Variants in OR1L8 observed in about 807,000 individuals in gnomAD.
OR1L8 encodes the protein olfactory receptor 1L8.
For synonymous variants in OR1L8, 148 were observed against 147.0 expected, an observed-to-expected ratio of 1.01 and a Z score of -0.05; for missense variants, 330 against 377.4, an observed-to-expected ratio of 0.87 and a Z score of 1.04.
At chr9:122,582,180 C>T (rs76301473) in intron 1 of OR1L8, among the ~76,000 whole-genome samples, 9,331 of 152,130 alleles carry the variant, frequency 0.061, 395 homozygotes, top group Middle Eastern at 0.099. Flanking sequence ...TTTTTTAAAA[C>T]TTCTGAGAAG....
chr9:122,578,109 A>G (rs1588219869), intron 2 of OR1L8, among the ~76,000 whole-genome samples: 1 of 152,220 alleles, frequency 6.6e-6, no homozygotes, highest in Non-Finnish European at 1.5e-5. Flanking sequence ...TAGATATACC[A>G]TTTGATCCAG....
downstream of OR1L8, among the ~76,000 whole-genome samples, chr9:122,564,640 C>G (rs935412513): frequency 6.6e-6 from 1 of 152,194 alleles, no homozygotes; most frequent in African/African-American, 2.4e-5. Flanking sequence ...TTATCATAAG[C>G]TTCACCAAGC....
the OR1L8 span, among the ~76,000 whole-genome samples, chr9:122,560,965 A>G: frequency 3.3e-5 from 5 of 152,168 alleles, no homozygotes; most frequent in African/African-American, 9.7e-5. Context: ...AGGTACTCCA[A>G]TCAATCATAG....
chr9:122,577,072 T>A (rs1330814960), intron 2 of OR1L8, among the ~76,000 whole-genome samples, 171 bp from the exon 3 acceptor site: 1 of 152,220 alleles, frequency 6.6e-6, no homozygotes, highest in East Asian at 1.9e-4. Context: ...AAGGAGATAC[T>A]TTCTACTGCT....
At chr9:122,578,033 G>T (rs1453568973) in intron 2 of OR1L8, among the ~76,000 whole-genome samples, 1 of 152,166 alleles carries the variant, frequency 6.6e-6, no homozygotes, top group African/African-American at 2.4e-5. Context: ...TTACACTGCT[G>T]GTGAGAATGT....
the OR1L8 span, chr9:122,553,069 A>T: frequency 2.5e-6 from 2 of 809,894 alleles, no homozygotes; most frequent in Middle Eastern, 2.4e-4. Flanking sequence ...AGAGATTCTT[A>T]TTGGCAAAGA....
chr9:122,566,241 G>A (rs2000112), downstream of OR1L8, among the ~76,000 whole-genome samples: 46,917 of 152,046 alleles, frequency 0.31, 8,105 homozygotes, highest in East Asian at 0.81. Context: ...TTCTTCAACT[G>A]GTAATTTATG....
chr9:122,554,971 C>G, the OR1L8 span, among the ~76,000 whole-genome samples: 1 of 152,018 alleles, frequency 6.6e-6, no homozygotes, highest in Non-Finnish European at 1.5e-5. Flanking sequence ...TAATTTGATG[C>G]AAAGCAATCT....
At chr9:122,549,785 C>A in the OR1L8 span, among the ~76,000 whole-genome samples, 2 of 152,040 alleles carry the variant, frequency 1.3e-5, no homozygotes, top group African/African-American at 4.8e-5. Flanking sequence ...AATTTGAAGT[C>A]AGGTGATGTA....
the OR1L8 span, among the ~76,000 whole-genome samples, chr9:122,556,121 C>G: frequency 6.6e-6 from 1 of 152,174 alleles, no homozygotes; most frequent in Non-Finnish European, 1.5e-5. Context: ...TAGTTGGAAT[C>G]ATACAGTATA....
intron 1 of OR1L8, among the ~76,000 whole-genome samples, chr9:122,579,663 A>G (rs1009311855): frequency 3.3e-5 from 5 of 152,230 alleles, no homozygotes; most frequent in Non-Finnish European, 5.9e-5. Flanking sequence ...TTTTCTGTCT[A>G]TATACATAAG....
chr9:122,554,996 T>C, the OR1L8 span, among the ~76,000 whole-genome samples: 4 of 146,512 alleles, frequency 2.7e-5, no homozygotes, highest in African/African-American at 1.1e-4. Context: ...GAAACTGATA[T>C]TATGAGAAGT....
chr9:122,574,815 A>T (rs2118735742), intron 3 of OR1L8, among the ~76,000 whole-genome samples: 1 of 152,120 alleles, frequency 6.6e-6, no homozygotes, highest in East Asian at 1.9e-4. Context: ...GTATAATGTT[A>T]GTTGTAGGAT....
downstream of OR1L8, among the ~76,000 whole-genome samples, chr9:122,564,984 G>C (rs1192029476): frequency 1.3e-5 from 2 of 152,178 alleles, no homozygotes; most frequent in Non-Finnish European, 2.9e-5. Flanking sequence ...TCATTGGTAG[G>C]ACATTTGTGT....
intron 1 of OR1L8, among the ~76,000 whole-genome samples, chr9:122,582,636 C>G (rs1411269): frequency 0.27 from 41,140 of 151,898 alleles, 5,890 homozygotes; most frequent in South Asian, 0.48. Flanking sequence ...GGAAGGATCA[C>G]TTGAGCCCAG....
At chr9:122,569,948 C>T (rs562634240) in intron 4 of OR1L8, among the ~76,000 whole-genome samples, 48 of 149,686 alleles carry the variant, frequency 3.2e-4, no homozygotes, top group East Asian at 1.2e-3. Context: ...TTTGTTCTTG[C>T]GATAGTTTAC....
chr9:122,562,784 T>G (rs1344638845), downstream of OR1L8, among the ~76,000 whole-genome samples: 3 of 152,136 alleles, frequency 2.0e-5, no homozygotes, highest in Non-Finnish European at 4.4e-5. Context: ...CTTCTGTGCC[T>G]AGCTTATTTT....
At chr9:122,578,716 C>A (rs11791852) in intron 1 of OR1L8, among the ~76,000 whole-genome samples, 20,537 of 151,912 alleles carry the variant, frequency 0.14, 1,508 homozygotes, top group Middle Eastern at 0.2. Context: ...AATGGAAAAC[C>A]AAACATCGTA....
In OR1L8 at chr9:122,568,133, A is replaced by G. The variant is rs376046502; in HGVS notation, c.345T>C (p.Leu115=). Residue 115 remains leucine (L), a synonymous_variant, in exon 5 of 5, where the codon CTT becomes CTC. Transcript: ENST00000641027. ...LYALGNSDSC[L]LAVMAFDRYV... is the part of the protein sequence containing the mutation. ...AGCGGTCAAAGGCCATGACTGCCAG[A>G]AGGCAGCTGTCACTGTTGCCCAAGG... 6.2e-7 allele frequency: 1 copy of G among 1,614,024 alleles called. No individual in the cohort carries two copies. The highest frequency in any genetic ancestry group is 1.3e-5 in the African/African-American group (1 of 74,918).
Sources: allele counts gnomAD v4.1 joint callset (sites outside exome capture counted in the v4.1 genomes callset), GRCh38; gene constraint gnomAD v4.1.1; transcripts MANE v1.5; gene names NCBI Gene and HGNC (gene_info 2026-07-23, HGNC 2026-07-21).